Variants in FBXL19 observed in about 807,000 individuals in gnomAD.
FBXL19 encodes the protein F-box/LRR-repeat protein 19.
FBXL19 carries 16 observed loss-of-function variants against 71.2 expected under a neutral mutation model. That is an observed-to-expected ratio of 0.22 (90% CI 0.15 to 0.34). The LOEUF (loss-of-function observed/expected upper bound fraction) is 0.34, where lower values mean the gene tolerates loss of function less well. Among genes scored for constraint, FBXL19 ranks in the 10% least tolerant of loss-of-function variants. The probability of loss-of-function intolerance (pLI) is 1.00; values close to 1 mark genes in which losing one functional copy is unlikely to be tolerated. For missense variants in FBXL19, 658 were observed against 968.2 expected, an observed-to-expected ratio of 0.68 and a Z score of 4.25; for synonymous variants, 447 against 409.4, an observed-to-expected ratio of 1.09 and a Z score of -1.11.
At chr16:30,939,306 C>T (rs936225475) in intron 7 of FBXL19, among the ~76,000 whole-genome samples, 2 of 151,404 alleles carry the variant, frequency 1.3e-5, no homozygotes, top group African/African-American at 4.9e-5. Context: ...CTCCTGACCT[C>T]GTGATCTGTC....
intron 7 of FBXL19, among the ~76,000 whole-genome samples, chr16:30,935,641 G>A (rs1300960873): frequency 1.3e-5 from 2 of 152,100 alleles, no homozygotes; most frequent in Non-Finnish European, 2.9e-5. Context: ...GGCCCAGAGA[G>A]CTACAAGAGG....
chr16:30,941,348 C>T (rs951712693), intron 7 of FBXL19, among the ~76,000 whole-genome samples: 1 of 152,054 alleles, frequency 6.6e-6, no homozygotes, highest in Non-Finnish European at 1.5e-5. Context: ...GGCGTGGTGA[C>T]ATGTGCCTGT....
In FBXL19 at chr16:30,927,441, G is replaced by C. The variant is rs376844315; in HGVS notation, c.311G>C (p.Gly104Ala). The C allele has an allele frequency of 2.5e-6, 4 of 1,588,828 alleles. No individual in the cohort carries two copies. The African/African-American group carries it at 5.4e-5, about 21-fold the overall frequency. ...ATCTGCAACGAGATCGTCCACCCCG[G>C]CTGCCTGAAGGTGATGGCCCTGGGA... Reference protein sequence around the residue: ...CTICNEIVHPGCLKMGKAEGV... With the variant: ...CTICNEIVHPACLKMGKAEGV... The change falls in exon 3 of 11, where the codon GGC (glycine) becomes GCC (alanine). Residue 104 changes from glycine (G) to alanine (A), a missense_variant. Physicochemically the swap from Gly to Ala is moderately conservative, Grantham distance 60. Around this residue, in one of 8 missense-constraint regions of FBXL19, gnomAD observed 447 missense variants for 515.4 expected, o/e 0.87. Transcript: ENST00000338343.
chr16:30,926,676 A>G (rs2055595883), intron 2 of FBXL19, among the ~76,000 whole-genome samples: 2 of 149,036 alleles, frequency 1.3e-5, no homozygotes. Flanking sequence ...CTTTTCCTTT[A>G]TCCCCCAACC....
At chr16:30,929,943 C>A in intron 6 of FBXL19, 130 bp from the exon 7 acceptor site, 1 of 1,266,038 alleles carries the variant, frequency 7.9e-7, no homozygotes, top group Non-Finnish European at 1.1e-6. Context: ...CTCTCACTGT[C>A]CGGAGCAGAG....
At chr16:30,928,338 A>C in intron 5 of FBXL19, 129 bp from the exon 6 acceptor site, 1 of 1,019,854 alleles carries the variant, frequency 9.8e-7, no homozygotes, top group Non-Finnish European at 1.4e-6. Context: ...GAGCATGCTC[A>C]GAGTTATCCC....
At chr16:30,933,662 G>C (rs1266761166) in intron 7 of FBXL19, among the ~76,000 whole-genome samples, 1 of 151,012 alleles carries the variant, frequency 6.6e-6, no homozygotes, top group African/African-American at 2.4e-5. Flanking sequence ...TGTTACCCAG[G>C]CTGGTCTTGA....
At chr16:30,928,044 T>C (rs2055619263) in intron 5 of FBXL19, 81 bp downstream of exon 5, 4 of 1,003,538 alleles carry the variant, frequency 4.0e-6, no homozygotes, top group Non-Finnish European at 5.7e-6. Flanking sequence ...TGGGGCTGTG[T>C]GGGCCTGGGA....
At position 30,947,407 on chromosome 16, in the gene FBXL19, A is replaced by G. The variant is rs2055872501; in HGVS notation, c.*177A>G. ...ACCCCCTTCTTTCCCCCCTGCACTG[A>G]TATCTCTGGGGGTTTCTCCTTCCTA... On this transcript the variant is annotated 3_prime_UTR_variant, in exon 11 of 11. Transcript: ENST00000338343. The G allele has an allele frequency of 1.7e-6, 1 of 597,048 alleles. No individual in the cohort carries two copies. Among genetic ancestry groups the G allele is most frequent in the Non-Finnish European group, 3.0e-6 (1 of 336,582 alleles). 37.0% of individuals were successfully genotyped at this position (597,048 alleles called of 1,614,324 possible).
chr16:30,937,301 A>T (rs532864641), intron 7 of FBXL19, among the ~76,000 whole-genome samples: 1 of 151,884 alleles, frequency 6.6e-6, no homozygotes, highest in African/African-American at 2.4e-5. Context: ...TCTGGAACAC[A>T]CACCCTCCTC....
At chr16:30,935,508 G>A (rs1165894919) in intron 7 of FBXL19, among the ~76,000 whole-genome samples, 2 of 152,312 alleles carry the variant, frequency 1.3e-5, no homozygotes, top group East Asian at 1.9e-4. Context: ...ATGCAAGGAA[G>A]AGGGTTGGGG....
At position 30,942,601 on chromosome 16, in the gene FBXL19, G is replaced by A. The variant is rs2055815367; in HGVS notation, c.1627+65G>A. 1 of 1,480,736 alleles carries A rather than the reference G, an allele frequency of 6.8e-7. No homozygotes were observed. Among genetic ancestry groups the A allele is most frequent in the Non-Finnish European group, 9.0e-7 (1 of 1,114,864 alleles). 91.7% of individuals were successfully genotyped at this position (1,480,736 alleles called of 1,614,324 possible). A position where few individuals can be genotyped will look rare whatever the true frequency, so the allele number is the denominator to read the frequency against. On this transcript the variant is annotated intron_variant, in intron 9 of 10. Coordinates refer to ENST00000338343, the MANE Select transcript of FBXL19 (RefSeq NM_001382779.1). This position sits in a 1 kb window ranked among gnomAD's most constrained non-coding sequence, Gnocchi z 5.7. ...AAGGGTAGGGTAGGAGGCCTCTCAG[G>A]TCTCTTCTGACTCATGCTGGATGGT...
intron 7 of FBXL19, among the ~76,000 whole-genome samples, chr16:30,934,509 T>C (rs2055710041): frequency 6.6e-6 from 1 of 151,864 alleles, no homozygotes; most frequent in Admixed American, 6.6e-5. Context: ...AATACAAAAA[T>C]TAGCTGGGCA....
In FBXL19 at chr16:30,942,902, C is replaced by T. The variant is rs972652424; in HGVS notation, c.1627+366C>T. 3.3e-5 allele frequency among the ~76,000 whole-genome samples: 5 copies of T among 152,212 alleles called. No homozygotes were observed. The highest frequency in any genetic ancestry group is 1.2e-4 in the African/African-American group (5 of 41,450). ...TGCCACTTCCTCCAAGAAGCTCTCC[C>T]TGATCCCACCCCACATTGAGCTCAG... On this transcript the variant is annotated intron_variant, in intron 9 of 10. Coordinates refer to ENST00000338343, the MANE Select transcript of FBXL19 (RefSeq NM_001382779.1). The surrounding 1 kb of genome is among the most constrained non-coding windows in gnomAD (Gnocchi z 5.7).
intron 9 of FBXL19, among the ~76,000 whole-genome samples, chr16:30,944,467 T>C (rs2055837413): frequency 6.6e-6 from 1 of 152,162 alleles, no homozygotes; most frequent in Non-Finnish European, 1.5e-5. Flanking sequence ...TGCATTAGTT[T>C]GCTAAGGATA....
In FBXL19 at chr16:30,925,619, C is replaced by T. The variant is rs1023850752; in HGVS notation, c.-24-112C>T. 5 of 1,176,596 alleles carry T rather than the reference C, an allele frequency of 4.2e-6. No homozygotes were observed. In the East Asian group the frequency reaches 1.3e-4, roughly 31 times the overall value. 72.9% of individuals were successfully genotyped at this position (1,176,596 alleles called of 1,614,324 possible). Reference sequence around the variant, plus strand: ...CACAGAAGGGGGTGACCTCCTTGTCCCCCTGAGGAAGAGGGCAGGCTCTAG... The same window carrying T: ...CACAGAAGGGGGTGACCTCCTTGTCTCCCTGAGGAAGAGGGCAGGCTCTAG... On this transcript the variant is annotated intron_variant, in intron 1 of 10. Coordinates refer to ENST00000338343, the MANE Select transcript of FBXL19 (RefSeq NM_001382779.1). This position sits in a 1 kb window ranked among gnomAD's most constrained non-coding sequence, Gnocchi z 5.0.
chr16:30,929,977 C>G, intron 6 of FBXL19, 96 bp from the exon 7 acceptor site: 8 of 1,490,646 alleles, frequency 5.4e-6, no homozygotes, highest in Non-Finnish European at 7.2e-6. Flanking sequence ...TCAGGACTGT[C>G]CCTCGGGCTG....
At position 30,930,421 on chromosome 16, in the gene FBXL19, C is replaced by A; in HGVS notation, c.1138C>A (p.His380Asn). 2 of 1,525,342 alleles carry A rather than the reference C, an allele frequency of 1.3e-6. No homozygotes were observed. The highest frequency in any genetic ancestry group is 1.8e-6 in the Non-Finnish European group (2 of 1,140,820). 94.5% of individuals were successfully genotyped at this position (1,525,342 alleles called of 1,614,324 possible). The change falls in exon 7 of 11, where the codon CAC becomes AAC. Residue 380 changes from histidine (H) to asparagine (N), a missense_variant. Coordinates refer to ENST00000338343, the MANE Select transcript of FBXL19 (RefSeq NM_001382779.1). This position sits in a 1 kb window ranked among gnomAD's most constrained non-coding sequence, Gnocchi z 8.5. ...PPPRPPQLER[H>N]VVRPPPRSPE... ...ACCCCGGCCTCCACAGCTGGAGCGG[C>A]ACGTGGTGCGGCCCCCGCCTCGAAG...
At position 30,930,624 on chromosome 16, in the gene FBXL19, G is replaced by C; in HGVS notation, c.1301+40G>C. On this transcript the variant is annotated intron_variant, in intron 7 of 10. Coordinates refer to ENST00000338343, the MANE Select transcript of FBXL19 (RefSeq NM_001382779.1). The surrounding 1 kb of genome is among the most constrained non-coding windows in gnomAD (Gnocchi z 8.5). ...CAGGCCTGCGTTCCGTGGCCAGCAG[G>C]CTTCCCGCTTGCTGGGTGACCTGCG... The C allele has an allele frequency of 1.4e-6, 2 of 1,401,380 alleles. No homozygotes were observed. The highest frequency in any genetic ancestry group is 1.8e-6 in the Non-Finnish European group (2 of 1,084,164). The allele number at this position is 1,401,380 out of a possible 1,614,324, so 86.8% of individuals were successfully genotyped here.
Sources: allele counts gnomAD v4.1 joint callset (sites outside exome capture counted in the v4.1 genomes callset), GRCh38; gene constraint gnomAD v4.1.1; regional missense constraint gnomAD v4.1.1; non-coding constraint Gnocchi (gnomAD v3.1); transcripts MANE v1.5; gene names NCBI Gene and HGNC (gene_info 2026-07-23, HGNC 2026-07-21).